Variants in CFAP97 observed in about 807,000 individuals in gnomAD.
CFAP97 encodes cilia and flagella associated protein 97.
CFAP97 carries 36 observed loss-of-function variants against 43.1 expected under a neutral mutation model. That is an observed-to-expected ratio of 0.84 (90% CI 0.64 to 1.10). CFAP97 has a LOEUF of 1.10. Among genes scored for constraint, CFAP97 ranks in the 50% least tolerant of loss-of-function variants. The probability of loss-of-function intolerance (pLI) is 0.00; values close to 1 mark genes in which losing one functional copy is unlikely to be tolerated. For synonymous variants in CFAP97, 228 were observed against 225.7 expected (o/e 1.01, Z -0.09); for missense variants, 657 against 620.3 (o/e 1.06, Z -0.63).
chr4:185,188,072 T>G (rs1340709565), intron 2 of CFAP97, among the ~76,000 whole-genome samples: 1 of 151,720 alleles, frequency 6.6e-6, no homozygotes, highest in Non-Finnish European at 1.5e-5. Flanking sequence ...AATTTTTGTA[T>G]TTTTAGTAGA....
At chr4:185,167,717 TG>T (rs1444508298) in intron 3 of CFAP97, among the ~76,000 whole-genome samples, 1 of 152,064 alleles carries the variant, frequency 6.6e-6, no homozygotes, top group Non-Finnish European at 1.5e-5. Context: ...TTATTCAGGC[TG>T]GGCGTGGTGG....
At chr4:185,201,890 T>C (rs1365728856) in intron 1 of CFAP97, among the ~76,000 whole-genome samples, 1 of 152,222 alleles carries the variant, frequency 6.6e-6, no homozygotes, top group South Asian at 2.1e-4. Context: ...AAACACCGTA[T>C]AGAAACTTTC....
At chr4:185,198,127 C>G (rs541780337) in intron 1 of CFAP97, among the ~76,000 whole-genome samples, 3 of 152,248 alleles carry the variant, frequency 2.0e-5, no homozygotes, top group Admixed American at 2.0e-4. Flanking sequence ...CTACCTGAGG[C>G]TGTCTCATAA....
chr4:185,169,696 AG>A, intron 3 of CFAP97: 3 of 985,460 alleles, frequency 3.0e-6, no homozygotes, highest in Non-Finnish European at 2.4e-6. Flanking sequence ...AGCCGTTAGC[AG>A]AGGAGAGTTG....
chr4:185,162,743 T>C lies in CFAP97; in HGVS notation c.*55A>G. 9.0e-6 allele frequency: 14 copies of C among 1,560,224 alleles called. No homozygotes were observed. The highest frequency in any genetic ancestry group is 1.1e-5 in the Non-Finnish European group (13 of 1,140,442). On this transcript the variant is annotated 3_prime_UTR_variant, in exon 5 of 5. Coordinates refer to ENST00000458385, the MANE Select transcript of CFAP97 (RefSeq NM_020827.3). ...GTTTACACAGAGAATTATAGGAATA[T>C]GCACGAGCACTTCAAGAAAAGTTGT...
At chr4:185,196,366 C>T (rs538795547) in intron 1 of CFAP97, among the ~76,000 whole-genome samples, 5 of 151,540 alleles carry the variant, frequency 3.3e-5, no homozygotes, top group South Asian at 2.1e-4. Flanking sequence ...CCCAGCTACT[C>T]GGGAGGCTGA....
chr4:185,184,896 A>C (rs2111370926), intron 2 of CFAP97, among the ~76,000 whole-genome samples: 1 of 152,314 alleles, frequency 6.6e-6, no homozygotes, highest in South Asian at 2.1e-4. Flanking sequence ...CTCGTTTTTT[A>C]ATCCTCTTTC....
intron 1 of CFAP97, among the ~76,000 whole-genome samples, chr4:185,196,095 T>A (rs1560874595): frequency 6.6e-6 from 1 of 152,234 alleles, no homozygotes; most frequent in Admixed American, 6.5e-5. Flanking sequence ...TTTTATAAAC[T>A]ACAGGTCACA....
At chr4:185,167,593 C>G (rs1735120273) in intron 3 of CFAP97, among the ~76,000 whole-genome samples, 1 of 152,196 alleles carries the variant, frequency 6.6e-6, no homozygotes, top group South Asian at 2.1e-4. Context: ...TGTCCTTGAT[C>G]AAATTCCACG....
chr4:185,187,871 G>A (rs1296615529), intron 2 of CFAP97, among the ~76,000 whole-genome samples: 1 of 152,000 alleles, frequency 6.6e-6, no homozygotes, highest in African/African-American at 2.4e-5. Context: ...GAGTCTGTTA[G>A]GCAATAACAA....
chr4:185,174,996 T>A (rs1735457815), intron 3 of CFAP97, among the ~76,000 whole-genome samples: 1 of 152,220 alleles, frequency 6.6e-6, no homozygotes, highest in African/African-American at 2.4e-5. Context: ...ACAATCAATG[T>A]TTCATACATT....
intron 2 of CFAP97, among the ~76,000 whole-genome samples, chr4:185,183,609 C>T (rs1735890459): frequency 6.6e-6 from 1 of 152,210 alleles, no homozygotes; most frequent in African/African-American, 2.4e-5. Flanking sequence ...ATCTGAAATG[C>T]TTCACTGTGT....
intron 1 of CFAP97, among the ~76,000 whole-genome samples, chr4:185,202,273 G>A (rs1374572327): frequency 2.0e-5 from 3 of 152,118 alleles, no homozygotes; most frequent in African/African-American, 7.2e-5. Context: ...CTCATGTGCG[G>A]TGGCTCATGT....
intron 2 of CFAP97, among the ~76,000 whole-genome samples, chr4:185,184,370 C>T (rs1331549918): frequency 6.6e-6 from 1 of 152,190 alleles, no homozygotes; most frequent in Admixed American, 6.5e-5. Flanking sequence ...AATCCCATTT[C>T]CCCTACCAAC....
At chr4:185,165,800 A>G (rs1735045756) in intron 3 of CFAP97, among the ~76,000 whole-genome samples, 1 of 152,168 alleles carries the variant, frequency 6.6e-6, no homozygotes, top group Admixed American at 6.5e-5. Context: ...ACCGACTCCC[A>G]TAACTTTTCT....
chr4:185,202,570 A>G (rs1736914913), intron 1 of CFAP97, among the ~76,000 whole-genome samples: 1 of 151,830 alleles, frequency 6.6e-6, no homozygotes, highest in South Asian at 2.1e-4. Flanking sequence ...AACAAAAAAA[A>G]TCACCGGGTT....
Position 185,160,888 on chromosome 4 carries a change from A to G in CFAP97, c.*1910T>C, listed in dbSNP as rs1734851204. ...TTAAAAGATTTTTAAAATAAAATTT[A>G]TAAAAAAGATTTTTTATATATATAA... is the stretch of plus-strand genomic sequence containing the variant. On this transcript the variant is annotated 3_prime_UTR_variant, in exon 5 of 5. Transcript: ENST00000458385. 1 of 146,964 alleles carries G rather than the reference A, an allele frequency of 6.8e-6. No individual in the cohort carries two copies. Among genetic ancestry groups the G allele is most frequent in the Non-Finnish European group, 1.5e-5 (1 of 66,512 alleles). The allele number at this position is 146,964 out of a possible 1,614,324, so 9.1% of individuals were successfully genotyped here. A position where few individuals can be genotyped will look rare whatever the true frequency, so the allele number is the denominator to read the frequency against.
At chr4:185,170,089 T>A (rs1020969993) in intron 3 of CFAP97, 4 of 1,209,738 alleles carry the variant, frequency 3.3e-6, no homozygotes, top group Admixed American at 4.2e-5. Flanking sequence ...GGCTCACACC[T>A]GTAATCCTTG....
At chr4:185,169,938 A>G in intron 3 of CFAP97, 4 of 1,006,534 alleles carry the variant, frequency 4.0e-6, no homozygotes, top group Non-Finnish European at 3.6e-6. Context: ...ATCTTAGAAC[A>G]AAAGTACTGT....
Sources: allele counts gnomAD v4.1 joint callset (sites outside exome capture counted in the v4.1 genomes callset), GRCh38; gene constraint gnomAD v4.1.1; transcripts MANE v1.5; gene names NCBI Gene and HGNC (gene_info 2026-07-23, HGNC 2026-07-21).